Variants in GRK5 observed in about 807,000 individuals in gnomAD.
GRK5 encodes the protein G protein-coupled receptor kinase 5, also known as g protein-coupled receptor kinase GRK5.
GRK5 carries 40 observed loss-of-function variants against 78.4 expected under a neutral mutation model. That is an observed-to-expected ratio of 0.51 (90% CI 0.40 to 0.66). The LOEUF (loss-of-function observed/expected upper bound fraction) is 0.66, where lower values mean the gene tolerates loss of function less well. GRK5 is among the 30% of genes least tolerant of loss of function. The pLI, the probability that GRK5 is intolerant of heterozygous loss-of-function variation, is 0.00. For synonymous variants in GRK5, 289 were observed against 296.8 expected (o/e 0.97, Z 0.27); for missense variants, 598 against 759.9 (o/e 0.79, Z 2.50).
chr10:119,311,836 T>C (rs1333420967), intron 1 of GRK5, among the ~76,000 whole-genome samples: 1 of 151,314 alleles, frequency 6.6e-6, no homozygotes, highest in African/African-American at 2.4e-5. Flanking sequence ...GTGACAGAAA[T>C]GTTTTAAATG....
chr10:119,385,459 G>A (rs550267468), intron 3 of GRK5, among the ~76,000 whole-genome samples: 1 of 152,152 alleles, frequency 6.6e-6, no homozygotes, highest in East Asian at 1.9e-4. Flanking sequence ...AATCCCTCTG[G>A]CTTCCATGTT....
intron 1 of GRK5, among the ~76,000 whole-genome samples, chr10:119,287,800 G>A (rs1849881651): frequency 6.6e-6 from 1 of 152,220 alleles, no homozygotes. Flanking sequence ...GTCATGGGAT[G>A]TGTGTGCAAG....
rs147153472 is a variant in GRK5 at position 119,380,912 on chromosome 10, G to C, written c.246G>C (p.Gln82His). 2 of 1,607,394 alleles carry C rather than the reference G, an allele frequency of 1.2e-6. No individual in the cohort carries two copies. The highest frequency in any genetic ancestry group is 1.1e-5 in the South Asian group (1 of 90,910). Reference protein sequence around the residue: ...ETRPGLECYIQFLDSVAEYEV... With the variant: ...ETRPGLECYIHFLDSVAEYEV... ...GGCCTGGGCTGGAGTGTTACATTCAGTTCCTGGACTCCGTGGTAAGTTCCT... is the reference window on the plus strand; with the variant it reads ...GGCCTGGGCTGGAGTGTTACATTCACTTCCTGGACTCCGTGGTAAGTTCCT... Residue 82 changes from glutamine to histidine, a missense_variant, in exon 3 of 16, where the codon CAG (glutamine) becomes CAC (histidine). Physicochemically the swap from Gln to His is conservative, Grantham distance 24 (BLOSUM62 0). Coordinates refer to ENST00000392870, the MANE Select transcript of GRK5 (RefSeq NM_005308.3).
intron 4 of GRK5, among the ~76,000 whole-genome samples, chr10:119,403,960 T>G (rs966141942): frequency 4.6e-5 from 7 of 152,218 alleles, no homozygotes; most frequent in Admixed American, 2.0e-4. Flanking sequence ...TTTCTACATT[T>G]TTGCTCTTGT....
At chr10:119,247,386 C>T (rs1849130802) in intron 1 of GRK5, among the ~76,000 whole-genome samples, 2 of 152,194 alleles carry the variant, frequency 1.3e-5, no homozygotes, top group Admixed American at 1.3e-4. Context: ...ACTCCCCCTT[C>T]AGCTATGTTC....
chr10:119,286,665 G>A (rs1048483216), intron 1 of GRK5, among the ~76,000 whole-genome samples: 10 of 152,244 alleles, frequency 6.6e-5, no homozygotes, highest in East Asian at 1.9e-4. Context: ...TGGGAAGTTT[G>A]TTGTCTCCGG....
At position 119,396,349 on chromosome 10, in the gene GRK5, G is replaced by A. The variant is rs55815332; in HGVS notation, c.262-346G>A. ...ATCTAAGTCAGTGGTCTTCAACCCC[G>A]GCTGCCCAGGTGCCAGCCCTCATGG... On this transcript the variant is annotated intron_variant, in intron 3 of 15. Coordinates refer to ENST00000392870, the MANE Select transcript of GRK5 (RefSeq NM_005308.3). 3.2e-3 allele frequency among the ~76,000 whole-genome samples: 492 copies of A among 152,324 alleles called. 1 individual carries two copies. The highest frequency in any genetic ancestry group is 5.1e-3 in the Non-Finnish European group (350 of 68,034).
At position 119,366,426 on chromosome 10, in the gene GRK5, C is replaced by T. The variant is rs569180051; in HGVS notation, c.149-14389C>T. Among the ~76,000 whole-genome samples, 128 of 152,252 alleles carry T rather than the reference C, an allele frequency of 8.4e-4. 1 individual carries two copies. The highest frequency in any genetic ancestry group is 1.8e-3 in the Admixed American group (28 of 15,300). ...CAAGGCCAGCTCTCAGGATAGCCAG[C>T]GAAGGTGTGAGACAGCACATCAGTT... is the stretch of plus-strand genomic sequence containing the variant. On this transcript the variant is annotated intron_variant, in intron 2 of 15. Coordinates refer to ENST00000392870, the MANE Select transcript of GRK5 (RefSeq NM_005308.3).
intron 4 of GRK5, among the ~76,000 whole-genome samples, chr10:119,401,820 G>T (rs1343479059): frequency 1.3e-5 from 2 of 152,168 alleles, no homozygotes; most frequent in Non-Finnish European, 2.9e-5. Context: ...AGCTGCAGAG[G>T]GCTGGACAGA....
chr10:119,363,284 A>G (rs1851394589), intron 2 of GRK5, among the ~76,000 whole-genome samples: 1 of 151,942 alleles, frequency 6.6e-6, no homozygotes, highest in Non-Finnish European at 1.5e-5. Flanking sequence ...TGTCTCAAAA[A>G]AAAAAAAAAA....
chr10:119,287,601 T>G (rs987496416), intron 1 of GRK5, among the ~76,000 whole-genome samples: 4 of 152,166 alleles, frequency 2.6e-5, no homozygotes, highest in African/African-American at 9.7e-5. Flanking sequence ...TTTCTCTTCT[T>G]TTTTTTCTTG....
intron 2 of GRK5, among the ~76,000 whole-genome samples, chr10:119,372,785 G>A (rs1378272): frequency 0.2 from 29,628 of 151,694 alleles, 3,281 homozygotes; most frequent in East Asian, 0.36. Context: ...TAAAGAAAAA[G>A]TAACTTTCCT....
At chr10:119,310,702 G>A (rs1446485708) in intron 1 of GRK5, among the ~76,000 whole-genome samples, 1 of 152,198 alleles carries the variant, frequency 6.6e-6, no homozygotes, top group African/African-American at 2.4e-5. Context: ...GGCAGGGCGG[G>A]GTTGGGGAGT....
intron 1 of GRK5, among the ~76,000 whole-genome samples, chr10:119,317,300 A>G (rs561996411): frequency 9.2e-5 from 14 of 152,160 alleles, no homozygotes; most frequent in Admixed American, 9.2e-4. Flanking sequence ...TCTGTAAACA[A>G]TAAAGGTCCA....
intron 1 of GRK5, among the ~76,000 whole-genome samples, chr10:119,247,143 C>T (rs901489653): frequency 2.0e-5 from 3 of 152,216 alleles, no homozygotes; most frequent in African/African-American, 7.2e-5. Flanking sequence ...CTCCAGACCT[C>T]TCTTACCCAG....
intron 12 of GRK5, among the ~76,000 whole-genome samples, chr10:119,443,992 G>A (rs755321789): frequency 8.5e-5 from 13 of 152,120 alleles, no homozygotes; most frequent in Non-Finnish European, 1.9e-4. Context: ...CAAGGGAAGA[G>A]GGGTGAGGGG....
At chr10:119,309,448 T>A (rs1484419657) in intron 1 of GRK5, among the ~76,000 whole-genome samples, 1 of 152,076 alleles carries the variant, frequency 6.6e-6, no homozygotes, top group Non-Finnish European at 1.5e-5. Context: ...TGAGGGAGGT[T>A]GAATCAAGGA....
chr10:119,444,929 G>A (rs528494090), intron 12 of GRK5, among the ~76,000 whole-genome samples: 10 of 152,310 alleles, frequency 6.6e-5, no homozygotes, highest in South Asian at 2.1e-4. Context: ...TGAGATCTGC[G>A]CCGCAAGCGG....
At chr10:119,390,211 G>A (rs933882978) in intron 3 of GRK5, among the ~76,000 whole-genome samples, 24 of 152,186 alleles carry the variant, frequency 1.6e-4, no homozygotes, top group African/African-American at 4.6e-4. Flanking sequence ...GTATTAGTCC[G>A]TTTTCAGGCC....
Sources: gnomAD v4.1 joint callset for allele counts (sites outside exome capture counted in the v4.1 genomes callset) on GRCh38, gnomAD v4.1.1 for gene constraint, MANE v1.5 for transcripts, NCBI Gene and HGNC (gene_info 2026-07-23, HGNC 2026-07-21) for gene names.